Variants in UACA observed in about 807,000 individuals in gnomAD.
UACA encodes the protein uveal autoantigen with coiled-coil domains and ankyrin repeats.
In UACA, 112 loss-of-function variants were observed where a neutral mutation model predicts 160.5. The ratio of observed to expected loss-of-function variants is 0.70; its 90% CI spans 0.60 to 0.82. UACA has a LOEUF of 0.82. Ranked by LOEUF, UACA falls within the 40% of genes least tolerant of loss-of-function variation. The probability of loss-of-function intolerance (pLI) is 0.00; values close to 1 mark genes in which losing one functional copy is unlikely to be tolerated. For missense variants in UACA, 1,574 were observed against 1,614.6 expected, an observed-to-expected ratio of 0.97 and a Z score of 0.43; for synonymous variants, 557 against 568.4, an observed-to-expected ratio of 0.98 and a Z score of 0.29.
In UACA at chr15:70,697,245, T is replaced by C. The variant is rs1395871660; in HGVS notation, c.213-2140A>G. Among the ~76,000 whole-genome samples the C allele has an allele frequency of 3.9e-5, 6 of 152,134 alleles. 1 individual carries two copies. The highest frequency in any genetic ancestry group is 3.9e-4 in the Admixed American group (6 of 15,280). On this transcript the variant is annotated intron_variant, in intron 2 of 18. Coordinates refer to ENST00000322954, the MANE Select transcript of UACA (RefSeq NM_018003.4). ...AAAGTTACTAGGCCAAGATGCAAGGTAGGAAGAAGGCCCAGAGAAGTGCGC... is the reference window on the plus strand; with the variant it reads ...AAAGTTACTAGGCCAAGATGCAAGGCAGGAAGAAGGCCCAGAGAAGTGCGC...
chr15:70,720,019 G>A (rs140021195), intron 1 of UACA, among the ~76,000 whole-genome samples: 1 of 152,288 alleles, frequency 6.6e-6, no homozygotes, highest in East Asian at 1.9e-4. Context: ...CAATGTTGGA[G>A]GTCAGCCTGG....
chr15:70,703,499 A>T (rs140362051), intron 1 of UACA, among the ~76,000 whole-genome samples: 1 of 152,150 alleles, frequency 6.6e-6, no homozygotes, highest in East Asian at 1.9e-4. Flanking sequence ...AAACCACGAG[A>T]TATCACAATG....
At chr15:70,711,632 A>G (rs1045082714) in intron 1 of UACA, among the ~76,000 whole-genome samples, 1 of 152,172 alleles carries the variant, frequency 6.6e-6, no homozygotes, top group East Asian at 1.9e-4. Flanking sequence ...TGCTAGATAT[A>G]CCAGGGGAAA....
At position 70,668,057 on chromosome 15, in the gene UACA, A is replaced by T; in HGVS notation, c.2627T>A (p.Leu876Ter). 1 of 1,612,920 alleles carries T rather than the reference A, an allele frequency of 6.2e-7. No homozygotes were observed. The highest frequency in any genetic ancestry group is 2.2e-5 in the East Asian group (1 of 44,858). Reference protein sequence around the residue: ...EEVKMTLNDTLAKTNRELLDV... With the variant: ...EEVKMTLNDT The stretch of plus-strand genomic sequence containing the variant: ...TAATAATTCTCTGTTAGTTTTGGCT[A>T]ACGTGTCATTCAGTGTCATTTTAAC... The change falls in exon 16 of 19, where the codon TTA becomes TAA. Residue 876 changes from leucine to a stop codon, truncating the protein, a stop_gained. Coordinates refer to ENST00000322954, the MANE Select transcript of UACA (RefSeq NM_018003.4). LOFTEE classifies it high-confidence loss of function.
At chr15:70,761,244 G>GT (rs2030735129) in intron 1 of UACA, among the ~76,000 whole-genome samples, 1 of 152,198 alleles carries the variant, frequency 6.6e-6, no homozygotes, top group East Asian at 1.9e-4. Flanking sequence ...GCAAGCAACT[G>GT]TATCATCAGT....
At position 70,747,409 on chromosome 15, in the gene UACA, G is replaced by A. The variant is rs901291622; in HGVS notation, c.78+15921C>T. Among the ~76,000 whole-genome samples the A allele has an allele frequency of 5.9e-5, 9 of 151,436 alleles. No individual in the cohort carries two copies. In the East Asian group the frequency reaches 1.4e-3, roughly 23 times the overall value. On this transcript the variant is annotated intron_variant, in intron 1 of 18. Transcript: ENST00000322954. Reference sequence around the variant, plus strand: ...TTGGGAGACAAGGTCTTGCTCTATCGCCCAGGCTGGAGTACACTGTCATCA... The same window carrying A: ...TTGGGAGACAAGGTCTTGCTCTATCACCCAGGCTGGAGTACACTGTCATCA...
chr15:70,726,922 A>G (rs1899160469), intron 1 of UACA, among the ~76,000 whole-genome samples: 1 of 152,116 alleles, frequency 6.6e-6, no homozygotes, highest in South Asian at 2.1e-4. Flanking sequence ...TGTTCTGGGA[A>G]TCTCAAGCAG....
At chr15:70,716,571 T>C (rs1273161901) in intron 1 of UACA, among the ~76,000 whole-genome samples, 1 of 152,224 alleles carries the variant, frequency 6.6e-6, no homozygotes, top group African/African-American at 2.4e-5. Flanking sequence ...TTACCTCTTG[T>C]AGTCTAATTC....
Position 70,676,215 on chromosome 15 carries a change from T to C in UACA, c.1131+278A>G, listed in dbSNP as rs1172238388. The C allele has an allele frequency of 8.2e-6, 2 of 244,560 alleles. 1 individual carries two copies. The highest frequency in any genetic ancestry group is 1.6e-5 in the Non-Finnish European group (2 of 126,344). The allele number at this position is 244,560 out of a possible 1,614,324, so 15.1% of individuals were successfully genotyped here. ...ATTTACAGGTAGAAATATGATGTTT[T>C]AAAAAGGTAAGGATGGACAATGAAG... On this transcript the variant is annotated intron_variant, in intron 13 of 18. Transcript: ENST00000322954.
At chr15:70,679,904 C>T (rs1897434834) in intron 9 of UACA, 1 of 238,422 alleles carries the variant, frequency 4.2e-6, no homozygotes, top group Non-Finnish European at 7.9e-6. Flanking sequence ...TAAATAATAA[C>T]AAATTTTAAA....
intron 1 of UACA, among the ~76,000 whole-genome samples, chr15:70,728,150 C>G: frequency 6.6e-6 from 1 of 152,146 alleles, no homozygotes; most frequent in Non-Finnish European, 1.5e-5. Context: ...TCATTAAATA[C>G]TACTGGGATA....
chr15:70,737,724 T>A (rs1049918094), intron 1 of UACA, among the ~76,000 whole-genome samples: 1 of 152,032 alleles, frequency 6.6e-6, no homozygotes, highest in African/African-American at 2.4e-5. Flanking sequence ...TAAAATAAAA[T>A]AAAATAAAAT....
intron 1 of UACA, among the ~76,000 whole-genome samples, chr15:70,717,231 C>G (rs796685359): frequency 6.6e-6 from 1 of 152,118 alleles, no homozygotes; most frequent in South Asian, 2.1e-4. Flanking sequence ...AAAAAACAAA[C>G]AAACAATGAA....
chr15:70,754,539 C>T (rs2030299918), intron 1 of UACA, among the ~76,000 whole-genome samples: 1 of 152,182 alleles, frequency 6.6e-6, no homozygotes, highest in Non-Finnish European at 1.5e-5. Flanking sequence ...ATATTTTCAA[C>T]TTAAACTGGG....
Position 70,676,487 on chromosome 15 carries a change from C to T in UACA, c.1131+6G>A. On this transcript the variant is annotated splice_donor_region_variant and intron_variant, in intron 13 of 18. Transcript: ENST00000322954. ...AATTACAGGAAATAATTTATCCTTT[C>T]TATACCTCAAAATATTTAAATCTAT... The T allele has an allele frequency of 6.3e-7, 1 of 1,582,884 alleles. No homozygotes were observed. Among genetic ancestry groups the T allele is most frequent in the Non-Finnish European group, 8.7e-7 (1 of 1,154,374 alleles).
At chr15:70,737,580 C>A (rs963819342) in intron 1 of UACA, among the ~76,000 whole-genome samples, 2 of 152,060 alleles carry the variant, frequency 1.3e-5, no homozygotes, top group African/African-American at 2.4e-5. Flanking sequence ...TGGTGACGGG[C>A]ACCTGTAGCC....
At chr15:70,694,846 C>A (rs1192418598) in intron 3 of UACA, among the ~76,000 whole-genome samples, 171 bp downstream of exon 3, 1 of 152,122 alleles carries the variant, frequency 6.6e-6, no homozygotes, top group Non-Finnish European at 1.5e-5. Context: ...ATTCCCTATA[C>A]TTGACCTCTC....
chr15:70,730,129 A>T (rs1899277816), intron 1 of UACA, among the ~76,000 whole-genome samples: 1 of 8,194 alleles, frequency 1.2e-4, no homozygotes, highest in Admixed American at 9.1e-4. Flanking sequence ...GCAACAGAAC[A>T]AAGCTGGATG....
Position 70,667,569 on chromosome 15 carries a change from T to TA in UACA, c.3114dup (p.Thr1039TyrfsTer9). 1 of 1,613,096 alleles carries TA rather than the reference T, an allele frequency of 6.2e-7. No individual in the cohort carries two copies. The highest frequency in any genetic ancestry group is 8.5e-7 in the Non-Finnish European group (1 of 1,179,930). On this transcript the variant is annotated frameshift_variant, in exon 16 of 19. Coordinates refer to ENST00000322954, the MANE Select transcript of UACA (RefSeq NM_018003.4). LOFTEE classifies it high-confidence loss of function. The stretch of plus-strand genomic sequence containing the variant: ...TTATCTCTCAAATCTTTCTGAAGGG[T>TA]AAAAATCTCCTTCTTTAACTTGTCA...
Sources: gnomAD v4.1 joint callset for allele counts (sites outside exome capture counted in the v4.1 genomes callset) on GRCh38, gnomAD v4.1.1 for gene constraint, MANE v1.5 for transcripts, NCBI Gene and HGNC (gene_info 2026-07-23, HGNC 2026-07-21) for gene names.